The following DMD variants were observed in gnomAD, a reference collection of about 807,000 sequenced individuals.
The protein encoded by DMD is mutant dystrophin.
A neutral mutation model predicts 330.1 loss-of-function variants in DMD; 63 were observed. The observed-to-expected ratio is 0.19, with a 90% confidence interval of 0.16 to 0.24. The LOEUF (loss-of-function observed/expected upper bound fraction) is 0.24. Ranked by LOEUF, DMD falls within the 10% of genes least tolerant of loss-of-function variation. The pLI is 1.00. For missense variants in DMD, 3,344 were observed against 2,684.1 expected (o/e 1.25, Z -5.43); for synonymous variants, 1,223 against 959.8 (o/e 1.27, Z -5.07).
At chrX:32,256,416 G>A (rs904960962) in intron 43 of DMD, among the ~76,000 whole-genome samples, 1 of 108,805 alleles carries the variant, frequency 9.2e-6, no homozygotes, top group Non-Finnish European at 1.9e-5. Flanking sequence ...GTTTGCATGT[G>A]AGATGGGTCT....
chrX:33,016,885 T>C (rs1289754659), intron 2 of DMD, among the ~76,000 whole-genome samples: 1 of 112,169 alleles, frequency 8.9e-6, no homozygotes, highest in Non-Finnish European at 1.9e-5. Flanking sequence ...AGCAAGATTT[T>C]TATAATGCGA....
intron 52 of DMD, among the ~76,000 whole-genome samples, chrX:31,718,779 C>T (rs997677624): frequency 8.9e-6 from 1 of 111,897 alleles, no homozygotes; most frequent in African/African-American, 3.2e-5. Flanking sequence ...TATTTTATAG[C>T]AGCCTGAGCT....
intron 63 of DMD, among the ~76,000 whole-genome samples, chrX:31,232,616 G>A (rs992166789): frequency 5.4e-5 from 6 of 111,598 alleles, no homozygotes; most frequent in South Asian, 3.8e-4. Flanking sequence ...TTCCTCTGAA[G>A]ACTGAAATGT....
chrX:32,503,635 A>G (rs867191734), intron 18 of DMD, among the ~76,000 whole-genome samples: 3 of 111,117 alleles, frequency 2.7e-5, no homozygotes, highest in African/African-American at 9.8e-5. Context: ...AGCTCACTGC[A>G]ACCTCTGCCT....
In DMD at chrX:33,254,819, T is replaced by C. The variant is rs1335949482; in HGVS notation, c.7+84440A>G. Among the ~76,000 whole-genome samples the C allele has an allele frequency of 4.5e-5, 5 of 110,510 alleles. No individual in the cohort carries two copies. In the Admixed American group the frequency reaches 4.9e-4, roughly 11 times the overall value. ...TGAGTTAAATTTTTTTTTCTTCTTATTGCAAAATGTGATGGTCTATTCATA... is the reference window on the plus strand; with the variant it reads ...TGAGTTAAATTTTTTTTTCTTCTTACTGCAAAATGTGATGGTCTATTCATA... On this transcript the variant is annotated intron_variant, in intron 1 of 17. Transcript: ENST00000288447.
At chrX:32,085,680 G>GTA (rs755906602) in intron 44 of DMD, among the ~76,000 whole-genome samples, 11 of 95,173 alleles carry the variant, frequency 1.2e-4, no homozygotes, top group Non-Finnish European at 1.8e-4. Flanking sequence ...ATACACACGC[G>GTA]TATATATATA....
intron 43 of DMD, among the ~76,000 whole-genome samples, chrX:32,226,026 G>T (rs1348418750): frequency 2.7e-5 from 3 of 111,616 alleles, no homozygotes; most frequent in Non-Finnish European, 5.7e-5. Flanking sequence ...TATCATGCTT[G>T]TCTCTATATT....
intron 43 of DMD, among the ~76,000 whole-genome samples, chrX:32,267,080 C>A (rs1415900823): frequency 8.9e-6 from 1 of 112,375 alleles, no homozygotes; most frequent in African/African-American, 3.2e-5. Context: ...AGATTTGCCA[C>A]TGTTGTTTCC....
At chrX:31,688,036 C>T (rs762715505) in intron 52 of DMD, among the ~76,000 whole-genome samples, 9 of 110,723 alleles carry the variant, frequency 8.1e-5, no homozygotes, top group East Asian at 5.6e-4. Context: ...CCTTTTGAGG[C>T]TATTTTCTGG....
At chrX:32,364,271 T>A (rs1005899137) in intron 36 of DMD, among the ~76,000 whole-genome samples, 1 of 112,372 alleles carries the variant, frequency 8.9e-6, no homozygotes, top group Non-Finnish European at 1.9e-5. Flanking sequence ...CACAAGAATG[T>A]AGTACCACCA....
At chrX:32,599,668 T>C (rs866755940) in intron 12 of DMD, among the ~76,000 whole-genome samples, 3 of 111,857 alleles carry the variant, frequency 2.7e-5, no homozygotes, top group African/African-American at 9.7e-5. Flanking sequence ...AATTAAAATA[T>C]TGTAATATAA....
At position 32,068,267 on chromosome X, in the gene DMD, T is replaced by A. The variant is rs1296008330; in HGVS notation, c.6439-99753A>T. Among the ~76,000 whole-genome samples the A allele has an allele frequency of 2.3e-4, 26 of 111,355 alleles. No homozygotes were observed. In the Admixed American group the frequency reaches 2.5e-3, roughly 11 times the overall value. ...TTCTGGATATTACACCACCGTCAGATGCATAACTTGCAAAAGTTTTCTCCC... is the reference window on the plus strand; with the variant it reads ...TTCTGGATATTACACCACCGTCAGAAGCATAACTTGCAAAAGTTTTCTCCC... On this transcript the variant is annotated intron_variant, in intron 44 of 78. Transcript: ENST00000357033.
intron 11 of DMD, among the ~76,000 whole-genome samples, chrX:32,633,691 T>G (rs1351001789): frequency 8.9e-6 from 1 of 111,944 alleles, no homozygotes; most frequent in African/African-American, 3.3e-5. Context: ...TTCTACAGGC[T>G]GTACAGGAAA....
intron 1 of DMD, among the ~76,000 whole-genome samples, chrX:33,135,896 A>G (rs1405310550): frequency 8.9e-6 from 1 of 112,635 alleles, no homozygotes; most frequent in Non-Finnish European, 1.9e-5. Flanking sequence ...ATAGTTCTCA[A>G]TAGGAATGTC....
At chrX:31,360,611 C>T (rs946367660) in intron 60 of DMD, among the ~76,000 whole-genome samples, 1 of 112,148 alleles carries the variant, frequency 8.9e-6, no homozygotes, top group Non-Finnish European at 1.9e-5. Context: ...GTAACAATAT[C>T]AGAAAGTAGA....
At chrX:31,148,508 A>T (rs1472072973) in intron 74 of DMD, among the ~76,000 whole-genome samples, 1 of 112,426 alleles carries the variant, frequency 8.9e-6, no homozygotes, top group Non-Finnish European at 1.9e-5. Flanking sequence ...GATACAATGA[A>T]ATTCTTTTTT....
chrX:32,549,760 G>C (rs756797177), intron 16 of DMD, among the ~76,000 whole-genome samples: 1 of 111,376 alleles, frequency 9.0e-6, no homozygotes, highest in East Asian at 2.8e-4. Flanking sequence ...GTAAGATTGT[G>C]TTATTTTGAT....
intron 2 of DMD, among the ~76,000 whole-genome samples, chrX:32,883,760 G>T (rs1192675373): frequency 2.1e-5 from 2 of 93,814 alleles, no homozygotes; most frequent in Non-Finnish European, 4.1e-5. Context: ...GGAGGCAGAG[G>T]TTGCAGTGAG....
Position 32,463,742 on chromosome X carries a change from T to C in DMD, c.3277-148A>G, listed in dbSNP as rs2098391673. On this transcript the variant is annotated intron_variant, in intron 24 of 78. Transcript: ENST00000357033. ...AATCTGAGATACAGAGATATTGATATAGATGACTGCCTAACAGTCTTGCAA... is the reference window on the plus strand; with the variant it reads ...AATCTGAGATACAGAGATATTGATACAGATGACTGCCTAACAGTCTTGCAA... 3 of 452,566 alleles carry C rather than the reference T, an allele frequency of 6.6e-6. No homozygotes were observed. The East Asian group carries it at 1.3e-4, about 19-fold the overall frequency. 37.3% of individuals were successfully genotyped at this position (452,566 alleles called of 1,213,427 possible). A position where few individuals can be genotyped will look rare whatever the true frequency, so the allele number is the denominator to read the frequency against.
Sources: allele counts gnomAD v4.1 joint callset (sites outside exome capture counted in the v4.1 genomes callset), GRCh38; gene constraint gnomAD v4.1.1; transcripts MANE v1.5; gene names NCBI Gene and HGNC (gene_info 2026-07-23, HGNC 2026-07-21).